AR: variants seen among roughly 807,000 people sequenced by gnomAD.
AR encodes dihydrotestosterone receptor.
AR carries 8 observed loss-of-function variants against 53.9 expected under a neutral mutation model. The ratio of observed to expected loss-of-function variants is 0.15; its 90% CI spans 0.09 to 0.27. The LOEUF (loss-of-function observed/expected upper bound fraction) is 0.27. AR is among the 10% of genes least tolerant of loss of function. The probability of loss-of-function intolerance (pLI) is 1.00; values close to 1 mark genes in which losing one functional copy is unlikely to be tolerated. For missense variants in AR, 639 were observed against 742.5 expected, an observed-to-expected ratio of 0.86 and a Z score of 1.62; for synonymous variants, 359 against 316.4, an observed-to-expected ratio of 1.13 and a Z score of -1.43.
Position 67,631,335 on chromosome X carries a change from G to A in AR, c.1617-11921G>A, listed in dbSNP as rs367798042. 3.3e-3 allele frequency among the ~76,000 whole-genome samples: 365 copies of A among 110,940 alleles called. 2 individuals carry two copies. Among genetic ancestry groups the A allele is most frequent in the African/African-American group, 0.012 (351 of 30,336 alleles). ...CCCATATTTCTTGGAGGCTTTGCTC[G>A]TTTCTTTTTATTCTTTTTTCTCTAA... is the stretch of plus-strand genomic sequence containing the variant. On this transcript the variant is annotated intron_variant, in intron 1 of 7. Coordinates refer to ENST00000374690, the MANE Select transcript of AR (RefSeq NM_000044.6).
At chrX:67,620,744 A>C (rs915248133) in intron 1 of AR, among the ~76,000 whole-genome samples, 1 of 111,414 alleles carries the variant, frequency 9.0e-6, no homozygotes, top group African/African-American at 3.3e-5. Flanking sequence ...ATTTGCCTCA[A>C]CTGTAAAATG....
chrX:67,568,807 C>T, intron 1 of AR: 2 of 1,093,636 alleles, frequency 1.8e-6, no homozygotes, highest in Non-Finnish European at 2.4e-6. Flanking sequence ...TTTATCAGCT[C>T]TGATTTGCCA....
At chrX:67,700,258 A>G (rs1487651912) in intron 3 of AR, among the ~76,000 whole-genome samples, 1 of 111,739 alleles carries the variant, frequency 8.9e-6, no homozygotes, top group Non-Finnish European at 1.9e-5. Context: ...TAAGTAAACC[A>G]ATGAGTCTCT....
Position 67,544,984 on chromosome X carries a change from T to C in AR, c.-163T>C. 2.5e-6 allele frequency: 2 copies of C among 786,441 alleles called. No homozygotes were observed. The highest frequency in any genetic ancestry group is 3.5e-6 in the Non-Finnish European group (2 of 567,670). The allele number at this position is 786,441 out of a possible 1,213,427, so 64.8% of individuals were successfully genotyped here. On this transcript the variant is annotated 5_prime_UTR_variant, in exon 1 of 8. Coordinates refer to ENST00000374690, the MANE Select transcript of AR (RefSeq NM_000044.6). ...CGAGACTTTGAGGCTGTCAGAGCGC[T>C]TTTTGCGTGGTTGCTCCCGCAAGTT...
At position 67,546,014 on chromosome X, in the gene AR, T is replaced by C. The variant is rs2147318873; in HGVS notation, c.868T>C (p.Cys290Arg). ...RPTPCAPLAE[C>R]KGSLLDDSAG... ...CACTCCTTGTGCCCCATTGGCCGAA[T>C]GCAAAGGTTCTCTGCTAGACGACAG... Residue 290 changes from cysteine (C) to arginine (R), a missense_variant, in exon 1 of 8, where the codon TGC becomes CGC. By Grantham distance (180) the Cys-to-Arg change is radical. Transcript: ENST00000374690. The C allele has an allele frequency of 8.2e-7, 1 of 1,212,262 alleles. No individual in the cohort carries two copies. Among genetic ancestry groups the C allele is most frequent in the East Asian group, 3.0e-5 (1 of 33,823 alleles).
At chrX:67,590,616 A>G (rs1470281086) in intron 1 of AR, among the ~76,000 whole-genome samples, 1 of 112,187 alleles carries the variant, frequency 8.9e-6, no homozygotes, top group African/African-American at 3.2e-5. Flanking sequence ...CTATTATCTC[A>G]ACTCTTCTAT....
At chrX:67,551,952 A>C (rs1314837648) in intron 1 of AR, among the ~76,000 whole-genome samples, 1 of 112,079 alleles carries the variant, frequency 8.9e-6, no homozygotes, top group Non-Finnish European at 1.9e-5. Flanking sequence ...ATAGCATTAA[A>C]GTGCTGGGTC....
At chrX:67,624,917 AAAAAAAAAAAAAAAAAAG>A (rs1315980151) in intron 1 of AR, among the ~76,000 whole-genome samples, 1 of 103,116 alleles carries the variant, frequency 9.7e-6, no homozygotes, top group Non-Finnish European at 2.0e-5. Context: ...AAAAAAAAAA[AAAAAAAAAAAAAAAAAAG>A]AAAGAGGTAA....
chrX:67,612,468 T>A (rs1156648469), intron 1 of AR, among the ~76,000 whole-genome samples: 1 of 112,285 alleles, frequency 8.9e-6, no homozygotes, highest in Non-Finnish European at 1.9e-5. Context: ...ATTTACACAT[T>A]CCTTTGCACA....
chrX:67,573,722 C>T (rs1008095310), intron 1 of AR, among the ~76,000 whole-genome samples: 37 of 111,661 alleles, frequency 3.3e-4, no homozygotes, highest in African/African-American at 1.0e-3. Context: ...TATATAGGGT[C>T]TCTTGAGGCC....
chrX:67,567,194 A>G lies in AR; in HGVS notation c.1616+20432A>G, dbSNP rs1445754271. Among the ~76,000 whole-genome samples, 5 of 111,601 alleles carry G rather than the reference A, an allele frequency of 4.5e-5. No individual in the cohort carries two copies. The South Asian group carries it at 1.9e-3, about 43-fold the overall frequency. ...CTTAATAATCTTCTGAAAAGGTTTT[A>G]CAGCCTTTCTGGGTACTGGGACCCA... On this transcript the variant is annotated intron_variant, in intron 1 of 7. Transcript: ENST00000374690.
At chrX:67,627,711 C>A (rs1400232196) in intron 1 of AR, among the ~76,000 whole-genome samples, 2 of 111,693 alleles carry the variant, frequency 1.8e-5, no homozygotes, top group African/African-American at 6.5e-5. Flanking sequence ...AGTCCTTGCC[C>A]ATGCCTATGT....
chrX:67,616,567 T>C (rs1394585346), intron 1 of AR, among the ~76,000 whole-genome samples: 1 of 111,444 alleles, frequency 9.0e-6, no homozygotes, highest in Non-Finnish European at 1.9e-5. Context: ...ATCGTGTATA[T>C]GTGCCACATT....
intron 2 of AR, among the ~76,000 whole-genome samples, chrX:67,652,082 G>A (rs1391915925): frequency 3.6e-5 from 4 of 111,583 alleles, no homozygotes; most frequent in Non-Finnish European, 7.5e-5. Context: ...GTTTTCCATG[G>A]GGCCACGAGC....
At chrX:67,651,041 C>A (rs777027753) in intron 2 of AR, among the ~76,000 whole-genome samples, 1 of 108,206 alleles carries the variant, frequency 9.2e-6, no homozygotes, top group East Asian at 2.9e-4. Flanking sequence ...ATAAATGTGG[C>A]ATTTTTTTTT....
rs1195779199 is a variant in AR, at chrX:67,611,230, T to C, written c.1617-32026T>C. Among the ~76,000 whole-genome samples the C allele has an allele frequency of 2.7e-5, 3 of 112,120 alleles. No individual in the cohort carries two copies. In the East Asian group the frequency reaches 8.4e-4, roughly 31 times the overall value. ...CCTGCCAAAAATTGCAAATATTGGA[T>C]ATTAACTTTTTAAATCTTAGTAAAT... is the stretch of plus-strand genomic sequence containing the variant. On this transcript the variant is annotated intron_variant, in intron 1 of 7. Transcript: ENST00000374690.
At chrX:67,712,765 AT>A (rs2076098789) in intron 4 of AR, among the ~76,000 whole-genome samples, 1 of 112,182 alleles carries the variant, frequency 8.9e-6, no homozygotes, top group African/African-American at 3.2e-5. Flanking sequence ...TGCAATTATG[AT>A]TCAAAGATTC....
chrX:67,662,497 C>T (rs1329326052), intron 2 of AR, among the ~76,000 whole-genome samples: 13 of 111,007 alleles, frequency 1.2e-4, no homozygotes, highest in African/African-American at 3.6e-4. Context: ...TGTAGTTGAG[C>T]GGTTTTGAGT....
At chrX:67,568,231 A>G (rs1325492599) in intron 1 of AR, among the ~76,000 whole-genome samples, 1 of 111,815 alleles carries the variant, frequency 8.9e-6, no homozygotes, top group Admixed American at 9.5e-5. Context: ...ATTTCTGAGG[A>G]CTAATTGTGC....
Sources: gnomAD v4.1 joint callset for allele counts (sites outside exome capture counted in the v4.1 genomes callset) on GRCh38, gnomAD v4.1.1 for gene constraint, MANE v1.5 for transcripts, NCBI Gene and HGNC (gene_info 2026-07-23, HGNC 2026-07-21) for gene names.